Variants in NIPSNAP1 observed in about 807,000 individuals in gnomAD.
The protein encoded by NIPSNAP1 is protein NipSnap homolog 1.
Under a neutral mutation model 49.2 loss-of-function variants are expected in NIPSNAP1, and 25 were observed. The observed-to-expected ratio is 0.51, with a 90% confidence interval of 0.37 to 0.71. The LOEUF (loss-of-function observed/expected upper bound fraction) is 0.71. NIPSNAP1 is among the 30% of genes least tolerant of loss of function. NIPSNAP1 has a pLI of 0.00. For missense variants in NIPSNAP1, 294 were observed against 361.0 expected (o/e 0.81, Z 1.50); for synonymous variants, 143 against 140.7 (o/e 1.02, Z -0.12).
At chr22:29,558,025 G>A (rs2064308167) in intron 9 of NIPSNAP1, among the ~76,000 whole-genome samples, 1 of 152,196 alleles carries the variant, frequency 6.6e-6, no homozygotes, top group Non-Finnish European at 1.5e-5. Flanking sequence ...CACTTTGGAA[G>A]GCTGAGGTGG....
chr22:29,558,845 G>A, intron 9 of NIPSNAP1, 25 bp downstream of exon 9: 1 of 1,555,542 alleles, frequency 6.4e-7, no homozygotes, highest in Non-Finnish European at 8.9e-7. Flanking sequence ...GTTCTCAGCA[G>A]AAGACCTCCA....
At chr22:29,576,350 A>G (rs2064452508) in intron 1 of NIPSNAP1, among the ~76,000 whole-genome samples, 1 of 150,904 alleles carries the variant, frequency 6.6e-6, no homozygotes, top group African/African-American at 2.5e-5. Context: ...AGCCTGGGAA[A>G]CATAGCAAGA....
intron 1 of NIPSNAP1, among the ~76,000 whole-genome samples, chr22:29,577,899 T>C (rs1280897397): frequency 1.4e-5 from 2 of 142,832 alleles, no homozygotes; most frequent in Non-Finnish European, 3.0e-5. Context: ...TGCCTAATTT[T>C]TTTTTTTTTT....
At chr22:29,563,406 A>T (rs2064349678) in intron 4 of NIPSNAP1, among the ~76,000 whole-genome samples, 2 of 152,074 alleles carry the variant, frequency 1.3e-5, no homozygotes, top group Non-Finnish European at 2.9e-5. Context: ...GCACATCTGT[A>T]ATCCTAGCTA....
chr22:29,570,651 G>A (rs1019195692), intron 1 of NIPSNAP1, 119 bp from the exon 2 acceptor site: 15 of 1,306,648 alleles, frequency 1.1e-5, no homozygotes, highest in African/African-American at 1.5e-5. Context: ...ACAGGGCCAC[G>A]GAGTCCTGTG....
intron 6 of NIPSNAP1, 94 bp downstream of exon 6, chr22:29,561,412 G>T: frequency 6.4e-7 from 1 of 1,571,118 alleles, no homozygotes; most frequent in Non-Finnish European, 8.7e-7. Flanking sequence ...GGAGGGAGAA[G>T]CCAGAAGCCC....
chr22:29,574,393 G>T (rs1463365571), intron 1 of NIPSNAP1, among the ~76,000 whole-genome samples: 1 of 150,816 alleles, frequency 6.6e-6, no homozygotes, highest in Admixed American at 6.7e-5. Context: ...TTTATTCATT[G>T]TAATTTTTTA....
At chr22:29,573,942 A>T (rs2064429823) in intron 1 of NIPSNAP1, among the ~76,000 whole-genome samples, 1 of 150,890 alleles carries the variant, frequency 6.6e-6, no homozygotes, top group Non-Finnish European at 1.5e-5. Context: ...TGTCTCAAAA[A>T]ACAAAACAAA....
chr22:29,572,798 C>CAAAAAAATAA lies in NIPSNAP1; in HGVS notation c.99-2276_99-2267dup, dbSNP rs577183717. On this transcript the variant is annotated intron_variant, in intron 1 of 9. Transcript: ENST00000216121. ...TGGGCAACAGAGTGAGACTCTATCTCAAAAAAATAAAATAAAATAAAATAA... is the reference window on the plus strand; with the variant it reads ...TGGGCAACAGAGTGAGACTCTATCTCAAAAAAATAAAAAAAAATAAAATAAAATAAAATAA... Among the ~76,000 whole-genome samples, 620 of 138,124 alleles carry CAAAAAAATAA rather than the reference C, an allele frequency of 4.5e-3. 11 individuals are homozygous for CAAAAAAATAA. In the Middle Eastern group the frequency reaches 0.047, roughly 10 times the overall value. 90.6% of individuals were successfully genotyped at this position (138,124 alleles called of 152,430 possible).
chr22:29,576,787 C>T (rs909106557), intron 1 of NIPSNAP1, among the ~76,000 whole-genome samples: 3 of 150,932 alleles, frequency 2.0e-5, no homozygotes, highest in African/African-American at 4.9e-5. Flanking sequence ...TAGCTGGGTG[C>T]GGTGGCAGGC....
intron 9 of NIPSNAP1, among the ~76,000 whole-genome samples, chr22:29,558,039 G>A (rs1328662361): frequency 6.6e-6 from 1 of 152,156 alleles, no homozygotes; most frequent in Non-Finnish European, 1.5e-5. Context: ...GAGGTGGGAG[G>A]ACTGCTTGAG....
chr22:29,579,746 C>T, intron 1 of NIPSNAP1: 1 of 229,982 alleles, frequency 4.3e-6, no homozygotes, highest in Admixed American at 4.5e-5. Flanking sequence ...CATCTTTAAT[C>T]CTCAACAACC....
chr22:29,568,908 A>T (rs995828865), intron 4 of NIPSNAP1, among the ~76,000 whole-genome samples: 1 of 152,212 alleles, frequency 6.6e-6, no homozygotes, highest in Non-Finnish European at 1.5e-5. Flanking sequence ...TGAAACTGTC[A>T]ATCTGAGGAA....
At chr22:29,563,890 T>C (rs984450468) in intron 4 of NIPSNAP1, among the ~76,000 whole-genome samples, 2 of 152,164 alleles carry the variant, frequency 1.3e-5, no homozygotes, top group African/African-American at 4.8e-5. Context: ...GGAAGGGTTC[T>C]CCCCTAAGGC....
intron 9 of NIPSNAP1, 38 bp downstream of exon 9, chr22:29,558,832 A>G: frequency 6.9e-7 from 1 of 1,439,764 alleles, no homozygotes; most frequent in South Asian, 1.1e-5. Flanking sequence ...ATCCTCAGAC[A>G]GGGTTCTCAG....
Position 29,581,034 on chromosome 22 carries a change from C to T in NIPSNAP1, c.49G>A (p.Gly17Arg). 2 of 1,538,434 alleles carry T rather than the reference C, an allele frequency of 1.3e-6. No homozygotes were observed. Among genetic ancestry groups the T allele is most frequent in the Non-Finnish European group, 1.7e-6 (2 of 1,145,390 alleles). The change falls in exon 1 of 10, where the codon GGG (glycine) becomes AGG (arginine). Residue 17 changes from glycine (G) to arginine (R), a missense_variant. Around this residue, in one of 4 missense-constraint regions of NIPSNAP1, gnomAD observed 88 missense variants for 76.1 expected, o/e 1.16. Transcript: ENST00000216121. Reference protein sequence around the residue: ...SISVTARRLLGGPGPRAGDVA... With the variant: ...SISVTARRLLRGPGPRAGDVA... ...TCCCCAGCGCGAGGCCCCGGGCCCC[C>T]CAGCAGCCGCCGCGCCGTCACAGAG...
intron 3 of NIPSNAP1, 51 bp from the exon 4 acceptor site, chr22:29,569,338 C>CT (rs768600723): frequency 7.2e-7 from 1 of 1,384,948 alleles, no homozygotes; most frequent in Non-Finnish European, 1.0e-6. Context: ...ACCAGGGCCT[C>CT]TGAGATAAGG....
intron 3 of NIPSNAP1, among the ~76,000 whole-genome samples, 154 bp from the exon 4 acceptor site, chr22:29,569,441 G>C (rs759208634): frequency 8.5e-5 from 13 of 152,098 alleles, no homozygotes; most frequent in Admixed American, 4.6e-4. Context: ...CAGGACTTCC[G>C]ACACTGAAAT....
At chr22:29,560,863 G>A (rs748085959) in intron 7 of NIPSNAP1, 35 bp from the exon 8 acceptor site, 2 of 1,593,174 alleles carry the variant, frequency 1.3e-6, no homozygotes, top group Non-Finnish European at 8.6e-7. Flanking sequence ...GCAGAAGCCA[G>A]GGCTGGTGCA....
Sources: gnomAD v4.1 joint callset for allele counts (sites outside exome capture counted in the v4.1 genomes callset) on GRCh38, gnomAD v4.1.1 for gene constraint, gnomAD v4.1.1 regional missense constraint, MANE v1.5 for transcripts, NCBI Gene and HGNC (gene_info 2026-07-23, HGNC 2026-07-21) for gene names.